Variants in PRKN observed in about 807,000 individuals in gnomAD.
PRKN encodes parkin RBR E3 ubiquitin protein ligase, also known as E3 ubiquitin-protein ligase parkin.
PRKN carries 56 observed loss-of-function variants against 59.5 expected under a neutral mutation model. The observed-to-expected ratio is 0.94, with a 90% CI of 0.76 to 1.18. The LOEUF (loss-of-function observed/expected upper bound fraction) is 1.18. Among genes scored for constraint, PRKN ranks in the 50% most tolerant of loss-of-function variants. The pLI, the probability that PRKN is intolerant of heterozygous loss-of-function variation, is 0.00. For synonymous variants in PRKN, 250 were observed against 222.1 expected (o/e 1.13, Z -1.12); for missense variants, 657 against 596.4 (o/e 1.10, Z -1.06).
chr6:162,261,458 A>C (rs1163226315), intron 3 of PRKN, among the ~76,000 whole-genome samples: 1 of 152,196 alleles, frequency 6.6e-6, no homozygotes, highest in African/African-American at 2.4e-5. Context: ...TCAGTGTCAG[A>C]ATGATCTTAT....
chr6:162,329,344 T>C (rs1270759953), intron 2 of PRKN, among the ~76,000 whole-genome samples: 1 of 152,140 alleles, frequency 6.6e-6, no homozygotes, highest in African/African-American at 2.4e-5. Context: ...AGTGGGCATA[T>C]ACGCACAGAG....
rs1784665311 is a variant in PRKN, at chr6:161,354,111, C to G, written c.1286-3900G>C. ...AAGCTAGAATTACAATGGCCTGGTA[C>G]AGTAAGAATGGAAATGGGAAGAGAA... On this transcript the variant is annotated intron_variant, in intron 11 of 11. Transcript: ENST00000366898. The surrounding 1 kb of genome is among the most constrained non-coding windows in gnomAD (Gnocchi z 6.7). Among the ~76,000 whole-genome samples the G allele has an allele frequency of 6.6e-6, 1 of 152,128 alleles. No homozygotes were observed. The highest frequency in any genetic ancestry group is 2.4e-5 in the African/African-American group (1 of 41,426).
intron 5 of PRKN, among the ~76,000 whole-genome samples, chr6:162,007,907 C>A (rs1480301661): frequency 6.6e-6 from 1 of 152,102 alleles, no homozygotes; most frequent in African/African-American, 2.4e-5. Context: ...CATTCCAATA[C>A]AGCAGAATGA....
chr6:161,949,382 G>T (rs933671632), intron 6 of PRKN, among the ~76,000 whole-genome samples: 11 of 152,078 alleles, frequency 7.2e-5, no homozygotes, highest in Non-Finnish European at 1.5e-4. Flanking sequence ...ATTGTGGCAG[G>T]CGCCTGTAGT....
At chr6:162,403,579 G>A (rs889488615) in intron 2 of PRKN, among the ~76,000 whole-genome samples, 1 of 152,108 alleles carries the variant, frequency 6.6e-6, no homozygotes, top group African/African-American at 2.4e-5. Flanking sequence ...TTTCCATTGT[G>A]TGAAGCTGTA....
rs1784986731 is a variant in PRKN at position 161,361,804 on chromosome 6, T to C, written c.1168-1599A>G. 6.6e-6 allele frequency among the ~76,000 whole-genome samples: 1 copy of C among 152,184 alleles called. No homozygotes were observed. Among genetic ancestry groups the C allele is most frequent in the Non-Finnish European group, 1.5e-5 (1 of 68,036 alleles). ...AGGCAACGGTAGGTCAATGAGTGCTTCCTTTGCTAAGATCCACTCACGGCA... is the reference window on the plus strand; with the variant it reads ...AGGCAACGGTAGGTCAATGAGTGCTCCCTTTGCTAAGATCCACTCACGGCA... On this transcript the variant is annotated intron_variant, in intron 10 of 11. Coordinates refer to ENST00000366898, the MANE Select transcript of PRKN (RefSeq NM_004562.3). The surrounding 1 kb of genome is among the most constrained non-coding windows in gnomAD (Gnocchi z 5.2).
At chr6:161,587,477 T>A (rs1307078545) in intron 7 of PRKN, among the ~76,000 whole-genome samples, 1 of 152,144 alleles carries the variant, frequency 6.6e-6, no homozygotes, top group Non-Finnish European at 1.5e-5. Context: ...AAATCAAGAT[T>A]TTTTTCTTTT....
At chr6:161,531,993 T>G (rs865949312) in intron 9 of PRKN, among the ~76,000 whole-genome samples, 1 of 152,178 alleles carries the variant, frequency 6.6e-6, no homozygotes, top group African/African-American at 2.4e-5. Context: ...CCAAAAGCAT[T>G]TAATAAAGAA....
chr6:161,982,184 AAAG>A (rs1414557180), intron 5 of PRKN, among the ~76,000 whole-genome samples: 3 of 152,190 alleles, frequency 2.0e-5, no homozygotes, highest in African/African-American at 4.8e-5. Flanking sequence ...GGAGATTGTT[AAAG>A]AAGATGTTAA....
rs1283193834 is a variant in PRKN at position 161,579,508 on chromosome 6, T to C, written c.872-10092A>G. ...TTGTGTAATTTATATTTGTACCCTA[T>C]ACTTCGCCATAGAGTGTGCTCTGTA... On this transcript the variant is annotated intron_variant, in intron 7 of 11. Coordinates refer to ENST00000366898, the MANE Select transcript of PRKN (RefSeq NM_004562.3). The surrounding 1 kb of genome is among the most constrained non-coding windows in gnomAD (Gnocchi z 4.2). Among the ~76,000 whole-genome samples the C allele has an allele frequency of 6.6e-6, 1 of 152,232 alleles. No homozygotes were observed. Among genetic ancestry groups the C allele is most frequent in the Admixed American group, 6.5e-5 (1 of 15,282 alleles).
At chr6:162,551,531 T>C (rs1257877348) in intron 1 of PRKN, among the ~76,000 whole-genome samples, 2 of 152,226 alleles carry the variant, frequency 1.3e-5, no homozygotes, top group Non-Finnish European at 2.9e-5. Flanking sequence ...TTAGCATTTT[T>C]CCCTTTTCCT....
intron 6 of PRKN, among the ~76,000 whole-genome samples, chr6:161,835,868 A>G (rs866437752): frequency 1.1e-4 from 17 of 152,210 alleles, no homozygotes; most frequent in African/African-American, 3.9e-4. Context: ...TGCAGTTCAC[A>G]TAAAGGGTGT....
rs73592311 is a variant in PRKN, at chr6:162,152,173, C to T, written c.534+48958G>A. Among the ~76,000 whole-genome samples the T allele has an allele frequency of 1.4e-4, 21 of 152,206 alleles. 1 individual carries two copies. The highest frequency in any genetic ancestry group is 8.5e-4 in the Admixed American group (13 of 15,294). On this transcript the variant is annotated intron_variant, in intron 4 of 11. Coordinates refer to ENST00000366898, the MANE Select transcript of PRKN (RefSeq NM_004562.3). ...ACTGATGCATGCCAATGAAATAAAA[C>T]GTTATCCTGCCAAATGCAAGCAACC...
At position 161,378,330 on chromosome 6, in the gene PRKN, G is replaced by A. The variant is rs1194992415; in HGVS notation, c.1167+8464C>T. Among the ~76,000 whole-genome samples, 2 of 152,128 alleles carry A rather than the reference G, an allele frequency of 1.3e-5. No homozygotes were observed. The highest frequency in any genetic ancestry group is 4.8e-5 in the African/African-American group (2 of 41,426). ...CCGTGTGGAGGAAGCGTGGTGGTGA[G>A]GTGAAGCCCTGCCAGGCCCCCCAGC... On this transcript the variant is annotated intron_variant, in intron 10 of 11. Transcript: ENST00000366898. This position sits in a 1 kb window ranked among gnomAD's most constrained non-coding sequence, Gnocchi z 7.3.
intron 2 of PRKN, among the ~76,000 whole-genome samples, chr6:162,321,322 C>G (rs970668287): frequency 5.3e-5 from 8 of 151,762 alleles, no homozygotes; most frequent in Non-Finnish European, 1.2e-4. Flanking sequence ...TACTAAATTT[C>G]AAGCCAGAGA....
At chr6:161,746,885 T>C (rs900404739) in intron 7 of PRKN, among the ~76,000 whole-genome samples, 5 of 150,804 alleles carry the variant, frequency 3.3e-5, no homozygotes, top group African/African-American at 1.2e-4. Flanking sequence ...TCTATATCTA[T>C]ATATCTATGT....
Position 161,362,202 on chromosome 6 carries a change from A to C in PRKN, c.1168-1997T>G, listed in dbSNP as rs936322815. ...GTGAAGGGCAATTTCTCCCAGGTCC[A>C]CACACCTAAAAATGCTGGATCAAAT... On this transcript the variant is annotated intron_variant, in intron 10 of 11. Transcript: ENST00000366898. This position sits in a 1 kb window ranked among gnomAD's most constrained non-coding sequence, Gnocchi z 5.2. Among the ~76,000 whole-genome samples, 19 of 152,246 alleles carry C rather than the reference A, an allele frequency of 1.2e-4. No individual in the cohort carries two copies. Among genetic ancestry groups the C allele is most frequent in the Admixed American group, 5.9e-4 (9 of 15,284 alleles).
intron 6 of PRKN, among the ~76,000 whole-genome samples, chr6:161,843,512 G>A (rs550191899): frequency 4.6e-5 from 7 of 152,294 alleles, no homozygotes; most frequent in South Asian, 2.1e-4. Context: ...CTGGCTGGGC[G>A]CAGTGGCTCA....
intron 1 of PRKN, among the ~76,000 whole-genome samples, chr6:162,658,658 C>CAA (rs57853171): frequency 1.1e-4 from 12 of 109,102 alleles, no homozygotes; most frequent in African/African-American, 2.0e-4. Flanking sequence ...GAGACTCTGT[C>CAA]AAAAAAAAAA....
Sources: gnomAD v4.1 joint callset for allele counts (sites outside exome capture counted in the v4.1 genomes callset) on GRCh38, gnomAD v4.1.1 for gene constraint, Gnocchi (gnomAD v3.1) non-coding constraint, MANE v1.5 for transcripts, NCBI Gene and HGNC (gene_info 2026-07-23, HGNC 2026-07-21) for gene names.